Variants in MEIS2 observed in about 807,000 individuals in gnomAD.
MEIS2 encodes Meis homeobox 2, also known as homeobox protein Meis2.
A neutral mutation model predicts 58.6 loss-of-function variants in MEIS2; 9 were observed. The observed-to-expected ratio is 0.15, with a 90% CI of 0.09 to 0.27. The LOEUF is 0.27. Ranked by LOEUF, MEIS2 falls within the 10% of genes least tolerant of loss-of-function variation. The probability of loss-of-function intolerance (pLI) is 1.00; values close to 1 mark genes in which losing one functional copy is unlikely to be tolerated. For synonymous variants in MEIS2, 221 were observed against 228.4 expected (o/e 0.97, Z 0.29); for missense variants, 427 against 635.0 (o/e 0.67, Z 3.52).
At chr15:37,028,088 C>G (rs1304107891) in intron 8 of MEIS2, among the ~76,000 whole-genome samples, 1 of 152,198 alleles carries the variant, frequency 6.6e-6, no homozygotes, top group Non-Finnish European at 1.5e-5. Context: ...TGTGTTCTGC[C>G]TATCAATTAC....
intron 7 of MEIS2, among the ~76,000 whole-genome samples, chr15:37,048,662 G>A (rs752732563): frequency 5.3e-5 from 8 of 151,808 alleles, no homozygotes; most frequent in Non-Finnish European, 8.8e-5. Flanking sequence ...GTGTAACTTC[G>A]AAACTTTGAA....
At chr15:36,978,657 T>A (rs1306184070) in intron 8 of MEIS2, among the ~76,000 whole-genome samples, 1 of 152,218 alleles carries the variant, frequency 6.6e-6, no homozygotes, top group Non-Finnish European at 1.5e-5. Flanking sequence ...TGTCTTTACC[T>A]CCCAAAACTT....
intron 8 of MEIS2, among the ~76,000 whole-genome samples, chr15:36,987,913 T>C (rs969331268): frequency 3.3e-5 from 5 of 152,186 alleles, no homozygotes; most frequent in African/African-American, 1.2e-4. Context: ...TACAAAATTT[T>C]GGTTCAGCTC....
intron 8 of MEIS2, among the ~76,000 whole-genome samples, chr15:37,024,386 A>G (rs1319127196): frequency 6.6e-6 from 1 of 152,042 alleles, no homozygotes; most frequent in Non-Finnish European, 1.5e-5. Flanking sequence ...TCTTATTTTA[A>G]CCTTTATTCA....
At chr15:37,046,051 T>A (rs1294006169) in intron 7 of MEIS2, among the ~76,000 whole-genome samples, 1 of 152,220 alleles carries the variant, frequency 6.6e-6, no homozygotes, top group Non-Finnish European at 1.5e-5. Context: ...TAAGCAGCAT[T>A]TAGCAAATTC....
intron 9 of MEIS2, among the ~76,000 whole-genome samples, chr15:36,933,105 G>A (rs2058041056): frequency 1.3e-5 from 2 of 152,110 alleles, no homozygotes; most frequent in South Asian, 4.1e-4. Context: ...AGAGGGGCGG[G>A]ATAGTCTGTT....
At chr15:36,918,969 G>T (rs867136276) in intron 9 of MEIS2, among the ~76,000 whole-genome samples, 3 of 152,218 alleles carry the variant, frequency 2.0e-5, no homozygotes, top group Admixed American at 6.5e-5. Context: ...AAAGATTAAA[G>T]ATTTTAGGCC....
intron 9 of MEIS2, among the ~76,000 whole-genome samples, chr15:36,945,699 T>A (rs564377956): frequency 7.9e-5 from 12 of 152,150 alleles, no homozygotes; most frequent in African/African-American, 2.9e-4. Context: ...TAAAAGCTGT[T>A]AGACGTAGAA....
chr15:36,936,459 T>C (rs980555766), intron 9 of MEIS2, among the ~76,000 whole-genome samples: 1 of 152,156 alleles, frequency 6.6e-6, no homozygotes, highest in African/African-American at 2.4e-5. Context: ...AGCAAAACTT[T>C]TCTTCAGTTA....
chr15:36,908,832 G>A (rs181880931), intron 9 of MEIS2, among the ~76,000 whole-genome samples: 12 of 152,116 alleles, frequency 7.9e-5, no homozygotes, highest in Admixed American at 2.0e-4. Flanking sequence ...CCAGCTACTC[G>A]GGAGGCTGAG....
chr15:36,958,338 A>T (rs1595810789), intron 8 of MEIS2, among the ~76,000 whole-genome samples: 3 of 152,284 alleles, frequency 2.0e-5, no homozygotes, highest in Admixed American at 2.0e-4. Flanking sequence ...TATTATTAAG[A>T]TGTAGATAAA....
chr15:36,944,199 G>C (rs369046640), intron 9 of MEIS2, among the ~76,000 whole-genome samples: 12 of 152,052 alleles, frequency 7.9e-5, no homozygotes, highest in African/African-American at 2.9e-4. Flanking sequence ...CCTGTAGACA[G>C]AGCAAAATGA....
At chr15:37,017,345 G>T (rs1876816192) in intron 8 of MEIS2, among the ~76,000 whole-genome samples, 1 of 152,160 alleles carries the variant, frequency 6.6e-6, no homozygotes, top group Non-Finnish European at 1.5e-5. Flanking sequence ...GCTCATCCCT[G>T]TAATCCCTGC....
At chr15:37,072,651 C>T (rs1197047195) in intron 7 of MEIS2, among the ~76,000 whole-genome samples, 1 of 152,134 alleles carries the variant, frequency 6.6e-6, no homozygotes, top group Admixed American at 6.6e-5. Context: ...GAAACACCCA[C>T]TGAAGGCCAT....
chr15:37,038,552 A>G (rs2062260492), intron 7 of MEIS2, among the ~76,000 whole-genome samples: 1 of 152,234 alleles, frequency 6.6e-6, no homozygotes. Flanking sequence ...ACAGACTGAC[A>G]GGCCACTTCA....
At chr15:37,042,687 T>G (rs962554792) in intron 7 of MEIS2, among the ~76,000 whole-genome samples, 3 of 152,236 alleles carry the variant, frequency 2.0e-5, no homozygotes, top group African/African-American at 7.2e-5. Context: ...TCTGGGACCC[T>G]GGGGTTGGGA....
intron 8 of MEIS2, among the ~76,000 whole-genome samples, chr15:36,986,754 G>T (rs185587342): frequency 3.3e-4 from 50 of 152,264 alleles, no homozygotes; most frequent in Middle Eastern, 3.4e-3. Flanking sequence ...CCTAGAGAAG[G>T]TAACGGCTTT....
intron 7 of MEIS2, among the ~76,000 whole-genome samples, chr15:37,042,665 G>A (rs2062477400): frequency 6.6e-6 from 1 of 152,238 alleles, no homozygotes; most frequent in African/African-American, 2.4e-5. Flanking sequence ...TAAGCACAGA[G>A]AACAGATTAG....
chr15:37,042,973 T>C (rs1002926314), intron 7 of MEIS2, among the ~76,000 whole-genome samples: 1 of 152,226 alleles, frequency 6.6e-6, no homozygotes, highest in African/African-American at 2.4e-5. Flanking sequence ...TTCATAGAAC[T>C]GTGATTACAA....
Sources: gnomAD v4.1 joint callset for allele counts (sites outside exome capture counted in the v4.1 genomes callset) on GRCh38, gnomAD v4.1.1 for gene constraint, MANE v1.5 for transcripts, NCBI Gene and HGNC (gene_info 2026-07-23, HGNC 2026-07-21) for gene names.